LHB: variants seen among roughly 807,000 people sequenced by gnomAD.
LHB encodes the protein lutropin subunit beta.
Under a neutral mutation model 10.6 loss-of-function variants are expected in LHB, and 11 were observed. The observed-to-expected ratio is 1.04, with a 90% CI of 0.66 to 1.72. LHB has a LOEUF of 1.72. Among genes scored for constraint, LHB ranks in the 40% most tolerant of loss-of-function variants. The pLI, the probability that LHB is intolerant of heterozygous loss-of-function variation, is 0.00. For missense variants in LHB, 184 were observed against 197.3 expected, an observed-to-expected ratio of 0.93 and a Z score of 0.41; for synonymous variants, 86 against 83.1, an observed-to-expected ratio of 1.03 and a Z score of -0.19.
chr19:49,017,889 C>A (rs1364550692), upstream of LHB: 2 of 398,138 alleles, frequency 5.0e-6, no homozygotes, highest in Non-Finnish European at 8.9e-6. Flanking sequence ...CGGAACCCTT[C>A]CTAGTGAGCG....
upstream of LHB, chr19:49,018,324 A>G (rs1175078458): frequency 5.8e-6 from 7 of 1,215,736 alleles, no homozygotes; most frequent in African/African-American, 1.6e-5. Context: ...TTGCGGGGGT[A>G]TCCGGACAGC....
rs2039551122 is a variant in LHB at position 49,016,294 on chromosome 19, GCCTGC to G, written c.195_199del (p.Gln66GlyfsTer14). 6.2e-7 allele frequency: 1 copy of G among 1,611,158 alleles called. No homozygotes were observed. Among genetic ancestry groups the G allele is most frequent in the Non-Finnish European group, 8.5e-7 (1 of 1,179,774 alleles). On this transcript the variant is annotated frameshift_variant, in exon 3 of 3. Coordinates refer to ENST00000649238, the MANE Select transcript of LHB (RefSeq NM_000894.3). LOFTEE classifies it high-confidence loss of function. ...CACCTGAGGCAGGGGCGGCAGGACC[GCCTGC>G]AGCACGCGCATCTGGAGGCCGTGTG...
intron 1 of LHB, 164 bp downstream of exon 1, chr19:49,016,903 C>T: frequency 1.3e-6 from 2 of 1,593,994 alleles, no homozygotes; most frequent in Admixed American, 1.7e-5. Context: ...GATGCCCCAA[C>T]ATTTCAGATC....
At chr19:49,017,747 C>G (rs1216999082), upstream of LHB, 8 of 424,510 alleles carry the variant, frequency 1.9e-5, no homozygotes, top group Non-Finnish European at 3.2e-5. Flanking sequence ...TGTCTTGCCC[C>G]CGGGGCCACA....
intron 1 of LHB, 92 bp downstream of exon 1, chr19:49,016,975 C>A (rs373313262): frequency 1.2e-6 from 2 of 1,611,142 alleles, no homozygotes; most frequent in African/African-American, 1.3e-5. Context: ...CAGAAAGAGG[C>A]CTCCTTCCAC....
intron 2 of LHB, 57 bp from the exon 3 acceptor site, chr19:49,016,367 A>G: frequency 6.2e-7 from 1 of 1,603,844 alleles, no homozygotes; most frequent in Non-Finnish European, 8.5e-7. Context: ...GCCTCAGCTG[A>G]GCTCCCAAGC....
At chr19:49,017,314 G>C (rs1298470569), upstream of LHB, among the ~76,000 whole-genome samples, 7 of 152,136 alleles carry the variant, frequency 4.6e-5, no homozygotes, top group Non-Finnish European at 1.0e-4. Flanking sequence ...AGTGACCTCA[G>C]AGACCCAGTT....
chr19:49,016,559 G>A lies in LHB; in HGVS notation c.171C>T (p.Tyr57=), dbSNP rs200644094. ...ITVNTTICAG[Y]CPTMMRVLQA... is the part of the protein sequence containing the mutation. ...CCAGGCAGCTCACCATGGTGGGGCAGTAGCCGGCACAGATGGTGGTGTTGA... is the reference window on the plus strand; with the variant it reads ...CCAGGCAGCTCACCATGGTGGGGCAATAGCCGGCACAGATGGTGGTGTTGA... The change falls in exon 2 of 3, where the codon TAC becomes TAT. Residue 57 remains tyrosine, a synonymous_variant. Transcript: ENST00000649238. 32 of 1,608,712 alleles carry A rather than the reference G, an allele frequency of 2.0e-5. No individual in the cohort carries two copies. The highest frequency in any genetic ancestry group is 2.6e-5 in the Non-Finnish European group (31 of 1,179,544).
upstream of LHB, chr19:49,019,016 G>A (rs183074588): frequency 5.4e-4 from 819 of 1,528,886 alleles, 4 homozygotes; most frequent in African/African-American, 9.5e-3. Flanking sequence ...CAAGATTGGG[G>A]GAGGAGGCAT....
chr19:49,016,663 C>T lies in LHB; in HGVS notation c.67G>A (p.Glu23Lys). 2 of 1,612,128 alleles carry T rather than the reference C, an allele frequency of 1.2e-6. No individual in the cohort carries two copies. Among genetic ancestry groups the T allele is most frequent in the Non-Finnish European group, 8.5e-7 (1 of 1,179,818 alleles). The change falls in exon 2 of 3, where the codon GAG becomes AAG. Residue 23 changes from glutamate to lysine, a missense_variant. Coordinates refer to ENST00000649238, the MANE Select transcript of LHB (RefSeq NM_000894.3). ...GGGTGGCACCATGGCCGAAGCGGCTCCCTGGATGCCCATGCCCCGCCCATG... is the reference window on the plus strand; with the variant it reads ...GGGTGGCACCATGGCCGAAGCGGCTTCCTGGATGCCCATGCCCCGCCCATG... The part of the protein sequence containing the change: ...LSMGGAWASR[E>K]PLRPWCHPIN...
rs749399282 is a variant in LHB, at chr19:49,016,654, G to A, written c.76C>T (p.Arg26Trp). ...GGAWASREPL[R>W]PWCHPINAIL... Reference sequence around the variant, plus strand: ...GCATTGATGGGGTGGCACCATGGCCGAAGCGGCTCCCTGGATGCCCATGCC... The same window carrying A: ...GCATTGATGGGGTGGCACCATGGCCAAAGCGGCTCCCTGGATGCCCATGCC... The change falls in exon 2 of 3, where the codon CGG becomes TGG. Residue 26 changes from arginine (R) to tryptophan (W), a missense_variant. Transcript: ENST00000649238. The A allele has an allele frequency of 7.4e-6, 12 of 1,612,064 alleles. No homozygotes were observed. Among genetic ancestry groups the A allele is most frequent in the African/African-American group, 2.7e-5 (2 of 74,764 alleles).
chr19:49,017,451 A>G (rs2039576190), upstream of LHB: 6 of 1,143,440 alleles, frequency 5.2e-6, no homozygotes, highest in Non-Finnish European at 6.7e-6. Flanking sequence ...GCTGGACTGA[A>G]GCCTCAACCC....
upstream of LHB, chr19:49,018,216 G>T: frequency 3.4e-6 from 2 of 581,326 alleles, no homozygotes; most frequent in Middle Eastern, 5.2e-4. Flanking sequence ...ACCCGCGGTG[G>T]TCGGGGCGGC....
chr19:49,017,376 G>A, upstream of LHB: 2 of 1,078,780 alleles, frequency 1.9e-6, no homozygotes, highest in Admixed American at 3.1e-5. Context: ...TAGGGTGTAG[G>A]AAGGCCTGCC....
chr19:49,016,592 G>A lies in LHB; in HGVS notation c.138C>T (p.Cys46=). The A allele has an allele frequency of 1.9e-6, 3 of 1,611,262 alleles. No individual in the cohort carries two copies. The highest frequency in any genetic ancestry group is 2.2e-5 in the East Asian group (1 of 44,868). ...CACAGATGGTGGTGTTGACGGTGAT[G>A]CACACTGGGCAGCCCTCCTTCTCGA... The part of the protein sequence containing the change: ...LAVEKEGCPV[C]ITVNTTICAG... The change falls in exon 2 of 3, where the codon TGC becomes TGT. Residue 46 remains cysteine (C), a synonymous_variant. Coordinates refer to ENST00000649238, the MANE Select transcript of LHB (RefSeq NM_000894.3).
upstream of LHB, chr19:49,017,184 T>G: frequency 1.3e-6 from 2 of 1,572,652 alleles, no homozygotes. Context: ...ACCTGGACAC[T>G]AATCCCCCCG....
At chr19:49,018,273 C>T, upstream of LHB, 45 of 1,071,964 alleles carry the variant, frequency 4.2e-5, no homozygotes, top group Non-Finnish European at 5.2e-5. Flanking sequence ...TGGCTCCAGA[C>T]CTGGGGCGTC....
rs1233674256 is a variant in LHB, at chr19:49,016,075, AAGAGG to A, written c.414_418del (p.Leu139ProfsTer26). On this transcript the variant is annotated frameshift_variant, in exon 3 of 3. Transcript: ENST00000649238. LOFTEE classifies it high-confidence loss of function. ...AGGCTGCGGGGAGGGTCTTTAGAGG[AAGAGG>A]AGGCCTGAGAGTTGGGGGTGGTCAC... 4 of 1,613,418 alleles carry A rather than the reference AAGAGG, an allele frequency of 2.5e-6. No individual in the cohort carries two copies. The highest frequency in any genetic ancestry group is 1.7e-5 in the Admixed American group (1 of 60,016).
chr19:49,018,233 G>T, upstream of LHB: 1 of 731,994 alleles, frequency 1.4e-6, no homozygotes, highest in Non-Finnish European at 1.9e-6. Context: ...CGGCCGGGAG[G>T]AGCGCGGACA....
Sources: allele counts gnomAD v4.1 joint callset (sites outside exome capture counted in the v4.1 genomes callset), GRCh38; gene constraint gnomAD v4.1.1; transcripts MANE v1.5; gene names NCBI Gene and HGNC (gene_info 2026-07-23, HGNC 2026-07-21).